RASAL2: variants seen among roughly 807,000 people sequenced by gnomAD.
RASAL2 encodes the protein RAS protein activator like 2.
A neutral mutation model predicts 128.9 loss-of-function variants in RASAL2; 58 were observed. The ratio of observed to expected loss-of-function variants is 0.45; its 90% CI spans 0.36 to 0.56. RASAL2 has a LOEUF of 0.56. Among genes scored for constraint, RASAL2 ranks in the 20% least tolerant of loss-of-function variants. RASAL2 has a pLI of 0.00. For synonymous variants in RASAL2, 561 were observed against 580.8 expected, an observed-to-expected ratio of 0.97 and a Z score of 0.49; for missense variants, 1,360 against 1,601.6, an observed-to-expected ratio of 0.85 and a Z score of 2.57.
At chr1:178,142,767 G>A (rs967389846) in intron 1 of RASAL2, among the ~76,000 whole-genome samples, 15 of 152,104 alleles carry the variant, frequency 9.9e-5, no homozygotes, top group Non-Finnish European at 2.1e-4. Context: ...TGTAAACCTC[G>A]GGGAAGTCCG....
intron 1 of RASAL2, among the ~76,000 whole-genome samples, chr1:178,200,080 T>C (rs1220340806): frequency 2.0e-5 from 3 of 152,200 alleles, no homozygotes; most frequent in Non-Finnish European, 2.9e-5. Flanking sequence ...CTCGTGATCG[T>C]GTGAGTTAAT....
At chr1:178,167,670 A>G (rs1661563418) in intron 1 of RASAL2, among the ~76,000 whole-genome samples, 1 of 152,124 alleles carries the variant, frequency 6.6e-6, no homozygotes, top group Non-Finnish European at 1.5e-5. Context: ...ATATACAAAT[A>G]AACTAGTATT....
intron 4 of RASAL2, among the ~76,000 whole-genome samples, chr1:178,414,634 T>A (rs917462236): frequency 2.0e-5 from 3 of 152,210 alleles, no homozygotes; most frequent in Non-Finnish European, 4.4e-5. Context: ...AGAAGTATTG[T>A]CTCTGCTTCT....
intron 4 of RASAL2, among the ~76,000 whole-genome samples, chr1:178,416,935 A>T: frequency 6.8e-6 from 1 of 146,780 alleles, no homozygotes; most frequent in Non-Finnish European, 1.5e-5. Context: ...TGAAAATTAT[A>T]TGCCTCAGTG....
At chr1:178,367,643 A>C (rs1671474690) in intron 3 of RASAL2, among the ~76,000 whole-genome samples, 1 of 152,158 alleles carries the variant, frequency 6.6e-6, no homozygotes, top group African/African-American at 2.4e-5. Context: ...GAAAATCAGG[A>C]ATACTAAGTA....
At chr1:178,323,456 T>C (rs1180989413) in intron 3 of RASAL2, among the ~76,000 whole-genome samples, 2 of 152,216 alleles carry the variant, frequency 1.3e-5, no homozygotes, top group Non-Finnish European at 2.9e-5. Flanking sequence ...GAAAATCGTT[T>C]AGTAATGAAA....
rs138928691 is a variant in RASAL2 at position 178,454,440 on chromosome 1, A to G, written c.2010-7A>G. ...GTTCTTTCTCATTTTCTCATCCTCT[A>G]CTTCAGGTTTGGTAACAAAGAGGAA... On this transcript the variant is annotated splice_region_variant and splice_polypyrimidine_tract_variant and intron_variant, in intron 11 of 17. Transcript: ENST00000367649. 7.4e-5 allele frequency: 118 copies of G among 1,589,062 alleles called. No individual in the cohort carries two copies. In the African/African-American group the frequency reaches 1.2e-3, roughly 16 times the overall value.
chr1:178,186,221 TTC>T (rs1004310816), intron 1 of RASAL2, among the ~76,000 whole-genome samples: 5 of 151,992 alleles, frequency 3.3e-5, no homozygotes, highest in Admixed American at 1.3e-4. Flanking sequence ...GTGATGACTT[TTC>T]TCTTTTTTTT....
chr1:178,270,928 G>A (rs1666216026), intron 1 of RASAL2, among the ~76,000 whole-genome samples: 1 of 152,042 alleles, frequency 6.6e-6, no homozygotes, highest in Admixed American at 6.6e-5. Flanking sequence ...GAGTCAAATG[G>A]GAGTTGAAGA....
chr1:178,180,581 C>T (rs150939736), intron 1 of RASAL2, among the ~76,000 whole-genome samples: 2,687 of 149,304 alleles, frequency 0.018, 72 homozygotes, highest in African/African-American at 0.059. Context: ...GTGAGAGAAT[C>T]GCTTGAGCCT....
intron 3 of RASAL2, among the ~76,000 whole-genome samples, chr1:178,374,591 T>C (rs570358207): frequency 1.3e-5 from 2 of 152,280 alleles, no homozygotes; most frequent in South Asian, 4.1e-4. Flanking sequence ...TGCACTGTTA[T>C]TAATCTGTTA....
chr1:178,324,624 C>T (rs1480442915), intron 3 of RASAL2, among the ~76,000 whole-genome samples: 2 of 151,936 alleles, frequency 1.3e-5, no homozygotes, highest in Non-Finnish European at 2.9e-5. Context: ...TATTTGGAGA[C>T]TTGACCTAGG....
intron 1 of RASAL2, among the ~76,000 whole-genome samples, chr1:178,188,364 A>C (rs940860136): frequency 6.6e-6 from 1 of 152,102 alleles, no homozygotes; most frequent in Non-Finnish European, 1.5e-5. Flanking sequence ...TCCTGCTTAA[A>C]ATCTGGGATT....
intron 3 of RASAL2, among the ~76,000 whole-genome samples, chr1:178,349,875 A>G (rs145642425): frequency 2.3e-4 from 35 of 152,338 alleles, no homozygotes; most frequent in African/African-American, 7.9e-4. Flanking sequence ...AAATGTGAAA[A>G]TATCCAATAC....
At chr1:178,430,835 T>A (rs958877800) in intron 5 of RASAL2, among the ~76,000 whole-genome samples, 2 of 151,810 alleles carry the variant, frequency 1.3e-5, no homozygotes, top group Admixed American at 1.3e-4. Flanking sequence ...TTATACTCTT[T>A]GTTGTGTGTG....
chr1:178,153,812 A>T (rs1660989374), intron 1 of RASAL2, among the ~76,000 whole-genome samples: 1 of 151,968 alleles, frequency 6.6e-6, no homozygotes, highest in African/African-American at 2.4e-5. Flanking sequence ...AATGGAATTG[A>T]TAGATAATGT....
intron 5 of RASAL2, among the ~76,000 whole-genome samples, chr1:178,437,687 A>G (rs113787616): frequency 6.6e-6 from 1 of 152,114 alleles, no homozygotes; most frequent in African/African-American, 2.4e-5. Flanking sequence ...TGTTTAAGAA[A>G]GATTACAGTG....
chr1:178,098,547 C>T (rs945587211), intron 1 of RASAL2, among the ~76,000 whole-genome samples: 1 of 152,048 alleles, frequency 6.6e-6, no homozygotes, highest in Non-Finnish European at 1.5e-5. Context: ...GTAGGACACT[C>T]TGGGAGAAAT....
At chr1:178,120,320 C>T (rs1213302270) in intron 1 of RASAL2, among the ~76,000 whole-genome samples, 2 of 152,168 alleles carry the variant, frequency 1.3e-5, no homozygotes, top group African/African-American at 4.8e-5. Flanking sequence ...TGCTGTTTCA[C>T]CATTGGGTCT....
Sources: gnomAD v4.1 joint callset for allele counts (sites outside exome capture counted in the v4.1 genomes callset) on GRCh38, gnomAD v4.1.1 for gene constraint, MANE v1.5 for transcripts, NCBI Gene and HGNC (gene_info 2026-07-23, HGNC 2026-07-21) for gene names.